The following KLK10 variants were observed in gnomAD, a reference collection of about 807,000 sequenced individuals.
KLK10 encodes the protein kallikrein related peptidase 10, also known as kallikrein-10.
In KLK10, 27 loss-of-function variants were observed where a neutral mutation model predicts 25.7. That is an observed-to-expected ratio of 1.05 (90% CI 0.77 to 1.45). The LOEUF is 1.45. Among genes scored for constraint, KLK10 ranks in the 40% most tolerant of loss-of-function variants. The pLI is 0.00. For missense variants in KLK10, 386 were observed against 370.0 expected (o/e 1.04, Z -0.35); for synonymous variants, 173 against 160.1 (o/e 1.08, Z -0.61).
Position 51,014,755 on chromosome 19 carries a change from C to A in KLK10, c.*45G>T. ...CGATGGAGCCTCTGGGCATCTGGAT[C>A]AGCAGGAGCATAACATCTGGATCAG... On this transcript the variant is annotated 3_prime_UTR_variant, in exon 6 of 6. Coordinates refer to ENST00000358789, the MANE Select transcript of KLK10 (RefSeq NM_145888.3). 6.3e-7 allele frequency: 1 copy of A among 1,596,542 alleles called. No homozygotes were observed. The highest frequency in any genetic ancestry group is 1.1e-5 in the South Asian group (1 of 88,696).
intron 2 of KLK10, among the ~76,000 whole-genome samples, chr19:51,017,870 A>C (rs1465138355): frequency 6.6e-6 from 1 of 151,754 alleles, no homozygotes; most frequent in Non-Finnish European, 1.5e-5. Context: ...TCGCGGAGGC[A>C]TGCGCCTGTA....
rs777389144 is a variant in KLK10, at chr19:51,014,498, T to C, written c.*302A>G. The C allele has an allele frequency of 4.1e-6, 1 of 245,358 alleles. No individual in the cohort carries two copies. Among genetic ancestry groups the C allele is most frequent in the Non-Finnish European group, 7.9e-6 (1 of 126,158 alleles). The allele number at this position is 245,358 out of a possible 1,614,324, so 15.2% of individuals were successfully genotyped here. ...GCAGGGAGTGGCAGAGGAAGTCAGG[T>C]TGGGTGACCCCAGTAACTGCTCTCA... On this transcript the variant is annotated 3_prime_UTR_variant, in exon 6 of 6. Transcript: ENST00000358789.
rs1374794371 is a variant in KLK10, at chr19:51,014,144, C to T, written c.*656G>A. 6.6e-6 allele frequency: 1 copy of T among 152,246 alleles called. No homozygotes were observed. The highest frequency in any genetic ancestry group is 1.5e-5 in the Non-Finnish European group (1 of 68,126). The allele number at this position is 152,246 out of a possible 1,614,324, so 9.4% of individuals were successfully genotyped here. A position where few individuals can be genotyped will look rare whatever the true frequency, so the allele number is the denominator to read the frequency against. ...AGTGGTTAAAAGGTGTTTCCTGGGA[C>T]TTGGAACTAGGGTGAGGAAAATGAT... On this transcript the variant is annotated 3_prime_UTR_variant, in exon 6 of 6. Transcript: ENST00000358789.
At position 51,017,291 on chromosome 19, in the gene KLK10, C is replaced by G. The variant is rs1292696956; in HGVS notation, c.89-1G>C. Reference sequence around the variant, plus strand: ...TGGGGGAGCAGCGCCGCCTCTGCGGCTGGAGAAAGAAAGGGGACGGAATCA... The same window carrying G: ...TGGGGGAGCAGCGCCGCCTCTGCGGGTGGAGAAAGAAAGGGGACGGAATCA... On this transcript the variant is annotated splice_acceptor_variant, in intron 2 of 5. Transcript: ENST00000358789. LOFTEE classifies it high-confidence loss of function. 6.2e-7 allele frequency: 1 copy of G among 1,600,154 alleles called. No homozygotes were observed. Among genetic ancestry groups the G allele is most frequent in the Admixed American group, 1.7e-5 (1 of 58,414 alleles).
rs2091343091 is a variant in KLK10, at chr19:51,017,289, G to T, written c.90C>A (p.Ala30=). ...LLPLLMAQLW[A]AEAALLPQND... ...TTTGGGGGAGCAGCGCCGCCTCTGC[G>T]GCTGGAGAAAGAAAGGGGACGGAAT... The change falls in exon 3 of 6, where the codon GCC becomes GCA. Residue 30 remains alanine (A), a splice_region_variant and synonymous_variant. Coordinates refer to ENST00000358789, the MANE Select transcript of KLK10 (RefSeq NM_145888.3). The T allele has an allele frequency of 3.7e-6, 6 of 1,601,384 alleles. No individual in the cohort carries two copies. Among genetic ancestry groups the T allele is most frequent in the Admixed American group, 1.7e-5 (1 of 58,464 alleles).
intron 5 of KLK10, 48 bp from the exon 6 acceptor site, chr19:51,015,000 G>A: frequency 6.4e-7 from 1 of 1,571,568 alleles, no homozygotes. Context: ...CAACGTGAGA[G>A]CTGTCACTTT....
rs1249262751 is a variant in KLK10, at chr19:51,017,209, T to C, written c.170A>G (p.Gln57Arg). The C allele has an allele frequency of 6.2e-7, 1 of 1,612,236 alleles. No individual in the cohort carries two copies. The highest frequency in any genetic ancestry group is 8.5e-7 in the Non-Finnish European group (1 of 1,179,584). The change falls in exon 3 of 6, where the codon CAG (glutamine) becomes CGG (arginine). Residue 57 changes from glutamine (Q) to arginine (R), a missense_variant. By Grantham distance (43) the Gln-to-Arg change is conservative (BLOSUM62 1). Coordinates refer to ENST00000358789, the MANE Select transcript of KLK10 (RefSeq NM_145888.3). ...GTTGAAGAGCGAGACCTGCCAGGGCTGCGAGCCGCGCGCGCACGGGGAGCC... is the reference window on the plus strand; with the variant it reads ...GTTGAAGAGCGAGACCTGCCAGGGCCGCGAGCCGCGCGCGCACGGGGAGCC... ...AYGSPCARGS[Q>R]PWQVSLFNGL... is the part of the protein sequence containing the mutation.
chr19:51,016,018 G>T lies in KLK10; in HGVS notation c.408C>A (p.His136Gln). 1 of 1,565,752 alleles carries T rather than the reference G, an allele frequency of 6.4e-7. No individual in the cohort carries two copies. Among genetic ancestry groups the T allele is most frequent in the Non-Finnish European group, 8.7e-7 (1 of 1,155,106 alleles). Reference protein sequence around the residue: ...GPILPRRTDEHDLMLLKLARP... With the variant: ...GPILPRRTDEQDLMLLKLARP... ...TGGCCAGCTTCAGCAACATGAGATC[G>T]TGCTCATCCGTTCGCCTTGGCAGGA... The change falls in exon 4 of 6, where the codon CAC becomes CAA. Residue 136 changes from histidine to glutamine, a missense_variant. By Grantham distance (24) the His-to-Gln change is conservative. Transcript: ENST00000358789.
chr19:51,018,885 G>T, intron 2 of KLK10, 158 bp downstream of exon 2: 3 of 630,932 alleles, frequency 4.8e-6, no homozygotes, highest in Non-Finnish European at 5.6e-6. Context: ...CAGAAGAAGG[G>T]CCCAGCTGAC....
At chr19:51,015,704 G>C in intron 4 of KLK10, 154 bp from the exon 5 acceptor site, 1 of 1,092,702 alleles carries the variant, frequency 9.2e-7, no homozygotes, top group Non-Finnish European at 1.3e-6. Flanking sequence ...TTAGACCCAG[G>C]AGTCCAGGCC....
chr19:51,017,107 T>C lies in KLK10; in HGVS notation c.269+3A>G. 2 of 1,597,982 alleles carry C rather than the reference T, an allele frequency of 1.3e-6. No homozygotes were observed. The highest frequency in any genetic ancestry group is 1.7e-6 in the Non-Finnish European group (2 of 1,172,738). On this transcript the variant is annotated splice_donor_region_variant and intron_variant, in intron 3 of 5. Transcript: ENST00000358789. The stretch of plus-strand genomic sequence containing the variant: ...GCGTCCTCGGGGATGGATCTCCTCC[T>C]ACTTGTTTCCGCAGTGCGCGGCCGT...
In KLK10 at chr19:51,014,517, G is replaced by A. The variant is rs1248629892; in HGVS notation, c.*283C>T. 3.6e-6 allele frequency: 1 copy of A among 274,266 alleles called. No individual in the cohort carries two copies. Among genetic ancestry groups the A allele is most frequent in the Middle Eastern group, 1.1e-3 (1 of 876 alleles). The allele number at this position is 274,266 out of a possible 1,614,324, so 17.0% of individuals were successfully genotyped here. The stretch of plus-strand genomic sequence containing the variant: ...GTCAGGTTGGGTGACCCCAGTAACT[G>A]CTCTCAGAGGCTGGGTGATGACCGG... On this transcript the variant is annotated 3_prime_UTR_variant, in exon 6 of 6. Transcript: ENST00000358789.
intron 2 of KLK10, chr19:51,018,378 G>A (rs984935019): frequency 2.6e-5 from 4 of 152,142 alleles, no homozygotes; most frequent in African/African-American, 9.7e-5. Flanking sequence ...AAGAAAAAAA[G>A]TGAGGGGAGA....
Position 51,012,754 on chromosome 19 carries a change from TATA to T in KLK10, c.*2043_*2045del, listed in dbSNP as rs1276427253. 1 of 138,664 alleles carries T rather than the reference TATA, an allele frequency of 7.2e-6. No homozygotes were observed. The highest frequency in any genetic ancestry group is 1.5e-5 in the Non-Finnish European group (1 of 65,498). 8.6% of individuals were successfully genotyped at this position (138,664 alleles called of 1,614,324 possible). On this transcript the variant is annotated 3_prime_UTR_variant, in exon 6 of 6. Transcript: ENST00000358789. ...TAAACACAAATGAGATAATTTCAGG[TATA>T]ATAGGTGCTATTAAAAAAAAAAACA... is the stretch of plus-strand genomic sequence containing the variant.
At position 51,015,398 on chromosome 19, in the gene KLK10, C is replaced by G. The variant is rs747087834; in HGVS notation, c.678+19G>C. The G allele has an allele frequency of 2.5e-6, 4 of 1,610,854 alleles. No individual in the cohort carries two copies. Among genetic ancestry groups the G allele is most frequent in the Non-Finnish European group, 2.5e-6 (3 of 1,177,748 alleles). ...TCCTCCCTCCCAGGAGTCAGAGACT[C>G]TCCCTGTTCAGACCCTACCTGGCAA... On this transcript the variant is annotated intron_variant, in intron 5 of 5. Coordinates refer to ENST00000358789, the MANE Select transcript of KLK10 (RefSeq NM_145888.3).
chr19:51,016,062 G>A lies in KLK10; in HGVS notation c.364C>T (p.His122Tyr), dbSNP rs2091323822. 6.4e-7 allele frequency: 1 copy of A among 1,570,158 alleles called. No homozygotes were observed. Among genetic ancestry groups the A allele is most frequent in the Non-Finnish European group, 8.6e-7 (1 of 1,157,634 alleles). ...TTRSVVHPKY[H>Y]QGSGPILPRR... ...GGCAGGATGGGGCCTGAGCCCTGGT[G>A]GTACTTGGGATGGACAACAGAGCGA... is the stretch of plus-strand genomic sequence containing the variant. The change falls in exon 4 of 6, where the codon CAC becomes TAC. Residue 122 changes from histidine (H) to tyrosine (Y), a missense_variant. Coordinates refer to ENST00000358789, the MANE Select transcript of KLK10 (RefSeq NM_145888.3).
At chr19:51,016,577 A>AT (rs1222707649) in intron 3 of KLK10, among the ~76,000 whole-genome samples, 4 of 143,218 alleles carry the variant, frequency 2.8e-5, no homozygotes, top group Non-Finnish European at 4.6e-5. Flanking sequence ...TTTTTTTTTA[A>AT]TTTTTTTAAA....
At chr19:51,016,850 C>T (rs185863568) in intron 3 of KLK10, among the ~76,000 whole-genome samples, 80 of 152,288 alleles carry the variant, frequency 5.3e-4, no homozygotes, top group African/African-American at 1.7e-3. Flanking sequence ...ACCCTGGCTT[C>T]TATCCGTTGC....
chr19:51,017,181 G>C lies in KLK10; in HGVS notation c.198C>G (p.Gly66=). Residue 66 remains glycine (G), a synonymous_variant, in exon 3 of 6, where the codon GGC becomes GGG. Coordinates refer to ENST00000358789, the MANE Select transcript of KLK10 (RefSeq NM_145888.3). The stretch of plus-strand genomic sequence containing the variant: ...GGACACCCGCGCAGTGGAACGAGAG[G>C]CCGTTGAAGAGCGAGACCTGCCAGG... ...SQPWQVSLFN[G]LSFHCAGVLV... is the part of the protein sequence containing the mutation. The C allele has an allele frequency of 1.2e-6, 2 of 1,612,222 alleles. No homozygotes were observed. Among genetic ancestry groups the C allele is most frequent in the Non-Finnish European group, 1.7e-6 (2 of 1,179,704 alleles).
Sources: gnomAD v4.1 joint callset for allele counts (sites outside exome capture counted in the v4.1 genomes callset) on GRCh38, gnomAD v4.1.1 for gene constraint, MANE v1.5 for transcripts, NCBI Gene and HGNC (gene_info 2026-07-23, HGNC 2026-07-21) for gene names.